Variants in BTBD8 observed in about 807,000 individuals in gnomAD.
The protein encoded by BTBD8 is BTB domain containing 8.
A neutral mutation model predicts 162.9 loss-of-function variants in BTBD8; 110 were observed. The ratio of observed to expected loss-of-function variants is 0.68; its 90% confidence interval spans 0.58 to 0.79. The LOEUF (loss-of-function observed/expected upper bound fraction) is 0.79, where lower values mean the gene tolerates loss of function less well. Ranked by LOEUF, BTBD8 falls within the 30% of genes least tolerant of loss-of-function variation. The pLI is 0.00. For missense variants in BTBD8, 1,905 were observed against 2,085.4 expected, an observed-to-expected ratio of 0.91 and a Z score of 1.68; for synonymous variants, 667 against 716.1, an observed-to-expected ratio of 0.93 and a Z score of 1.10.
chr1:92,115,537 C>G (rs951790590), intron 4 of BTBD8: 28 of 383,462 alleles, frequency 7.3e-5, no homozygotes, highest in Non-Finnish European at 1.3e-4. Flanking sequence ...TCAGCACCAG[C>G]GTCATCCTGT....
intron 5 of BTBD8, among the ~76,000 whole-genome samples, chr1:92,130,626 C>T (rs573716954): frequency 2.7e-4 from 41 of 151,994 alleles, no homozygotes; most frequent in Non-Finnish European, 5.0e-4. Flanking sequence ...CTTAAAGTAT[C>T]TCCAGTTATC....
chr1:92,129,806 T>A, intron 5 of BTBD8, 30 bp downstream of exon 5: 1 of 1,524,468 alleles, frequency 6.6e-7, no homozygotes, highest in Non-Finnish European at 9.1e-7. Context: ...GCCATTTGAC[T>A]GCAAATGATT....
chr1:92,081,933 A>G (rs1038567096), intron 1 of BTBD8, among the ~76,000 whole-genome samples: 1 of 152,196 alleles, frequency 6.6e-6, no homozygotes, highest in Non-Finnish European at 1.5e-5. Context: ...AGGCTCCGAT[A>G]GCTATAAACA....
At chr1:92,161,124 T>C (rs533309379) in intron 9 of BTBD8, among the ~76,000 whole-genome samples, 3 of 152,336 alleles carry the variant, frequency 2.0e-5, no homozygotes, top group Admixed American at 1.3e-4. Context: ...TTCATGCTCA[T>C]CCTCAGTGCA....
chr1:92,098,103 A>C (rs1648500345), intron 2 of BTBD8, among the ~76,000 whole-genome samples: 1 of 152,180 alleles, frequency 6.6e-6, no homozygotes, highest in African/African-American at 2.4e-5. Context: ...CCAGGAGGAA[A>C]GTCTGTGTTC....
At chr1:92,118,474 ATGACATCAC>A (rs1196431500) in intron 4 of BTBD8, among the ~76,000 whole-genome samples, 4 of 151,902 alleles carry the variant, frequency 2.6e-5, no homozygotes, top group African/African-American at 4.9e-5. Flanking sequence ...TGTGATCAAC[ATGACATCAC>A]TGTTTATGTT....
chr1:92,167,707 C>T (rs1308029293), intron 10 of BTBD8, 141 bp from the exon 11 acceptor site: 7 of 605,102 alleles, frequency 1.2e-5, no homozygotes, highest in Admixed American at 7.0e-5. Flanking sequence ...TGCATATATG[C>T]GAATTTTTTA....
chr1:92,158,038 T>C (rs1370463379), intron 9 of BTBD8, among the ~76,000 whole-genome samples: 1 of 152,218 alleles, frequency 6.6e-6, no homozygotes, highest in Non-Finnish European at 1.5e-5. Flanking sequence ...TCTATTTTGT[T>C]TGATATGGTA....
At chr1:92,167,735 G>T in intron 10 of BTBD8, 113 bp from the exon 11 acceptor site, 1 of 794,700 alleles carries the variant, frequency 1.3e-6, no homozygotes, top group Non-Finnish European at 1.9e-6. Context: ...GAAAAAATAC[G>T]ATTTCTGGTT....
At chr1:92,169,620 G>A (rs1181052265) in intron 12 of BTBD8, among the ~76,000 whole-genome samples, 2 of 152,196 alleles carry the variant, frequency 1.3e-5, no homozygotes, top group Non-Finnish European at 2.9e-5. Context: ...AACTGAAAAT[G>A]TCTTCATGAC....
At position 92,166,953 on chromosome 1, in the gene BTBD8, C is replaced by CT; in HGVS notation, c.1123-4dup. The CT allele has an allele frequency of 1.3e-6, 2 of 1,531,662 alleles. No homozygotes were observed. The highest frequency in any genetic ancestry group is 1.8e-6 in the Non-Finnish European group (2 of 1,138,030). 94.9% of individuals were successfully genotyped at this position (1,531,662 alleles called of 1,614,324 possible). The stretch of plus-strand genomic sequence containing the variant: ...CTAACTTTCCAATTTTTTTTTAAAT[C>CT]TAAGAATGATAAGAATGCTGCTTTT... On this transcript the variant is annotated splice_polypyrimidine_tract_variant and splice_region_variant and intron_variant, in intron 9 of 17. Transcript: ENST00000636805.
chr1:92,119,848 C>T (rs1260480481), intron 4 of BTBD8, among the ~76,000 whole-genome samples: 1 of 143,616 alleles, frequency 7.0e-6, no homozygotes, highest in African/African-American at 2.6e-5. Flanking sequence ...ACTTCATGAT[C>T]TGCCCGAGGG....
intron 4 of BTBD8, among the ~76,000 whole-genome samples, chr1:92,111,170 T>C (rs1648883394): frequency 6.6e-6 from 1 of 151,974 alleles, no homozygotes; most frequent in South Asian, 2.1e-4. Context: ...TTTTGTGCTT[T>C]TTAGTAGAGA....
At chr1:92,110,051 T>A (rs563107335) in intron 4 of BTBD8, among the ~76,000 whole-genome samples, 1 of 152,322 alleles carries the variant, frequency 6.6e-6, no homozygotes, top group South Asian at 2.1e-4. Context: ...TATTTCATGG[T>A]CAAGTTACTT....
At chr1:92,158,899 G>A (rs962257107) in intron 9 of BTBD8, among the ~76,000 whole-genome samples, 1 of 152,038 alleles carries the variant, frequency 6.6e-6, no homozygotes, top group African/African-American at 2.4e-5. Flanking sequence ...TGAAACTATA[G>A]ACATGTGCCA....
intron 9 of BTBD8, among the ~76,000 whole-genome samples, chr1:92,151,536 A>AT (rs1385252478): frequency 1.3e-5 from 2 of 151,722 alleles, no homozygotes; most frequent in Non-Finnish European, 2.9e-5. Flanking sequence ...TAGTACCAGT[A>AT]TTTTTTTTAA....
At chr1:92,091,048 C>T (rs1453129872) in intron 2 of BTBD8, among the ~76,000 whole-genome samples, 4 of 152,316 alleles carry the variant, frequency 2.6e-5, no homozygotes, top group South Asian at 4.1e-4. Flanking sequence ...AAGATTTACT[C>T]ATTAATATGG....
Position 92,171,552 on chromosome 1 carries a change from C to G in BTBD8, c.1635+92C>G, listed in dbSNP as rs1650546982. On this transcript the variant is annotated intron_variant, in intron 13 of 17. Transcript: ENST00000636805. ...ATATTTCAGAAAAAGTTTTAAAAAT[C>G]TATTCATTAATTGAAGCTATTTCTT... 5.0e-6 allele frequency: 4 copies of G among 800,818 alleles called. No individual in the cohort carries two copies. In the East Asian group the frequency reaches 1.3e-4, roughly 26 times the overall value. The allele number at this position is 800,818 out of a possible 1,614,324, so 49.6% of individuals were successfully genotyped here.
At chr1:92,160,444 A>G (rs934046499) in intron 9 of BTBD8, among the ~76,000 whole-genome samples, 17 of 151,986 alleles carry the variant, frequency 1.1e-4, no homozygotes, top group African/African-American at 3.9e-4. Flanking sequence ...ATTTCTGCCT[A>G]CAGCTACCTC....
Sources: allele counts gnomAD v4.1 joint callset (sites outside exome capture counted in the v4.1 genomes callset), GRCh38; gene constraint gnomAD v4.1.1; transcripts MANE v1.5; gene names NCBI Gene and HGNC (gene_info 2026-07-23, HGNC 2026-07-21).